Variants in PCDH15 observed in about 807,000 individuals in gnomAD.
PCDH15 encodes protocadherin-15.
Under a neutral mutation model 178.5 loss-of-function variants are expected in PCDH15, and 129 were observed. The observed-to-expected ratio is 0.72, with a 90% CI of 0.63 to 0.84. The LOEUF is 0.84. Ranked by LOEUF, PCDH15 falls within the 40% of genes least tolerant of loss-of-function variation. The pLI is 0.00. For synonymous variants in PCDH15, 800 were observed against 732.0 expected, an observed-to-expected ratio of 1.09 and a Z score of -1.50; for missense variants, 2,230 against 2,099.9, an observed-to-expected ratio of 1.06 and a Z score of -1.21.
rs565739662 is a variant in PCDH15, at chr10:53,807,036, C to A, written c.4766G>T (p.Arg1589Leu). Reference protein sequence around the residue: ...EDSAPECQRNRLHHPSIHSNI... With the variant: ...EDSAPECQRNLLHHPSIHSNI... The stretch of plus-strand genomic sequence containing the variant: ...ACTGTGGATACTAGGATGGTGAAGA[C>A]GGTTTCTCTGACATTCAGGAGCACT... Residue 1589 changes from arginine to leucine, a missense_variant, in exon 38 of 38, where the codon CGT becomes CTT. Arg to Leu is a moderately radical substitution (Grantham distance 102). Coordinates refer to ENST00000644397, the MANE Select transcript of PCDH15 (RefSeq NM_001384140.1). 1.2e-6 allele frequency: 2 copies of A among 1,613,468 alleles called. No homozygotes were observed. Among genetic ancestry groups the A allele is most frequent in the Non-Finnish European group, 1.7e-6 (2 of 1,179,746 alleles).
At chr10:55,037,431 A>G (rs903638763) in intron 2 of PCDH15, among the ~76,000 whole-genome samples, 1 of 152,038 alleles carries the variant, frequency 6.6e-6, no homozygotes, top group Admixed American at 6.6e-5. Flanking sequence ...ACAGGGTTTC[A>G]CCATGTTGGC....
chr10:54,153,234 A>G lies in PCDH15; in HGVS notation c.1650T>C (p.Val550=), dbSNP rs145254610. Residue 550 remains valine (V), a synonymous_variant, in exon 14 of 38, where the codon GTT becomes GTC. Coordinates refer to ENST00000644397, the MANE Select transcript of PCDH15 (RefSeq NM_001384140.1). ...TGATGATGAAGTCTCCCTGAGCCCC[A>G]ACAAGGATTTCATATGTGATCTCCC... ...SNGEITYEIL[V]GAQGDFIINK... The G allele has an allele frequency of 3.1e-6, 5 of 1,613,758 alleles. No individual in the cohort carries two copies. The African/African-American group carries it at 6.7e-5, about 22-fold the overall frequency.
chr10:54,821,661 T>G (rs1199602837), intron 3 of PCDH15, among the ~76,000 whole-genome samples: 1 of 152,154 alleles, frequency 6.6e-6, no homozygotes. Context: ...GATATTAATA[T>G]CTCTAGTGAG....
Position 54,236,881 on chromosome 10 carries a change from C to T in PCDH15, c.927G>A (p.Gln309=). The stretch of plus-strand genomic sequence containing the variant: ...CTGATGGCGGTTGAATATTCCGGTC[C>T]TGATCAATGGCTTGGATTGGTGGCG... ...IVTPPIQAID[Q]DRNIQPPSDR... The change falls in exon 9 of 38, where the codon CAG becomes CAA. Residue 309 remains glutamine (Q), a synonymous_variant. Coordinates refer to ENST00000644397, the MANE Select transcript of PCDH15 (RefSeq NM_001384140.1). 1 of 1,613,594 alleles carries T rather than the reference C, an allele frequency of 6.2e-7. No individual in the cohort carries two copies. Among genetic ancestry groups the T allele is most frequent in the East Asian group, 2.2e-5 (1 of 44,828 alleles).
chr10:55,241,908 C>A (rs944428364), intron 1 of PCDH15, among the ~76,000 whole-genome samples: 1 of 152,124 alleles, frequency 6.6e-6, no homozygotes, highest in Non-Finnish European at 1.5e-5. Context: ...GAACTTATCA[C>A]AAATAGATTC....
intron 3 of PCDH15, among the ~76,000 whole-genome samples, chr10:54,379,185 T>C (rs934906291): frequency 1.3e-5 from 2 of 152,090 alleles, no homozygotes; most frequent in African/African-American, 2.4e-5. Flanking sequence ...CCATCATCCA[T>C]TTTGTGTTTC....
chr10:54,540,068 G>A (rs73260146), intron 2 of PCDH15, among the ~76,000 whole-genome samples: 14,752 of 152,024 alleles, frequency 0.097, 758 homozygotes, highest in African/African-American at 0.11. Context: ...TCTGATTAAC[G>A]ATCTAACACC....
At chr10:54,655,288 G>GAGAGAGAGAGAC (rs1590861937) in intron 2 of PCDH15, among the ~76,000 whole-genome samples, 1 of 127,278 alleles carries the variant, frequency 7.9e-6, no homozygotes, top group East Asian at 2.8e-4. Context: ...GAGAGAGAGA[G>GAGAGAGAGAGAC]AGAGAGAGAG....
Position 53,805,258 on chromosome 10 carries a change from A to C in PCDH15, c.*1321T>G, listed in dbSNP as rs1027696167. The stretch of plus-strand genomic sequence containing the variant: ...AACCTGAACTTGGTCAATACTGTGC[A>C]AAATTTGAAGTGAGCTACATCTATA... On this transcript the variant is annotated 3_prime_UTR_variant, in exon 38 of 38. Transcript: ENST00000644397. 6.6e-6 allele frequency: 1 copy of C among 152,116 alleles called. No homozygotes were observed. Among genetic ancestry groups the C allele is most frequent in the African/African-American group, 2.4e-5 (1 of 41,452 alleles). The allele number at this position is 152,116 out of a possible 1,614,324, so 9.4% of individuals were successfully genotyped here.
chr10:54,618,343 C>G (rs996976250), intron 2 of PCDH15, among the ~76,000 whole-genome samples: 18 of 152,146 alleles, frequency 1.2e-4, no homozygotes, highest in African/African-American at 3.9e-4. Context: ...AAACACTTTC[C>G]ACATACAGAT....
At chr10:54,225,380 T>C (rs1051141143) in intron 9 of PCDH15, among the ~76,000 whole-genome samples, 1 of 152,204 alleles carries the variant, frequency 6.6e-6, no homozygotes, top group Non-Finnish European at 1.5e-5. Context: ...TCTGACTACG[T>C]AGATTCAAAT....
chr10:55,606,444 C>A, intron 2 of PCDH15, among the ~76,000 whole-genome samples: 1 of 150,776 alleles, frequency 6.6e-6, no homozygotes, highest in East Asian at 1.9e-4. Flanking sequence ...GCCAAGTCAA[C>A]CATAAGCCAA....
chr10:54,022,746 G>T (rs1375218089), intron 19 of PCDH15, 146 bp downstream of exon 19: 8 of 836,358 alleles, frequency 9.6e-6, no homozygotes, highest in African/African-American at 1.7e-5. Context: ...CAATATTGGA[G>T]AAATAATAAA....
intron 2 of PCDH15, among the ~76,000 whole-genome samples, chr10:55,351,641 C>G (rs1031661731): frequency 6.6e-6 from 1 of 152,158 alleles, no homozygotes; most frequent in Non-Finnish European, 1.5e-5. Flanking sequence ...CTGAATTCAA[C>G]TGTTTATCTC....
intron 21 of PCDH15, among the ~76,000 whole-genome samples, chr10:53,962,248 T>C (rs76620866): frequency 0.032 from 4,812 of 152,194 alleles, 146 homozygotes; most frequent in East Asian, 0.13. Flanking sequence ...CTTCCTTTGT[T>C]GCCCAGGCTG....
intron 2 of PCDH15, among the ~76,000 whole-genome samples, chr10:55,024,723 C>A (rs76175936): frequency 0.018 from 2,766 of 152,200 alleles, 85 homozygotes; most frequent in African/African-American, 0.061. Flanking sequence ...CTTGAAAGCT[C>A]ATGCCTAATT....
At chr10:54,001,672 A>G (rs1240463069) in intron 20 of PCDH15, among the ~76,000 whole-genome samples, 1 of 152,162 alleles carries the variant, frequency 6.6e-6, no homozygotes, top group East Asian at 1.9e-4. Flanking sequence ...ACAAACCATA[A>G]GACAACCAGA....
chr10:54,760,634 C>T (rs1947757083), intron 1 of PCDH15, among the ~76,000 whole-genome samples: 1 of 152,132 alleles, frequency 6.6e-6, no homozygotes, highest in South Asian at 2.1e-4. Flanking sequence ...TTTGAAGTTA[C>T]TGAGTTCAAT....
chr10:54,777,020 TCTC>T (rs1453946603), intron 1 of PCDH15, among the ~76,000 whole-genome samples: 1 of 152,192 alleles, frequency 6.6e-6, no homozygotes, highest in Non-Finnish European at 1.5e-5. Context: ...TGAATCCTCT[TCTC>T]ATTATTTTTA....
Sources: allele counts gnomAD v4.1 joint callset (sites outside exome capture counted in the v4.1 genomes callset), GRCh38; gene constraint gnomAD v4.1.1; transcripts MANE v1.5; gene names NCBI Gene and HGNC (gene_info 2026-07-23, HGNC 2026-07-21).